The following DPP6 variants were observed in gnomAD, a reference collection of about 807,000 sequenced individuals.
The protein encoded by DPP6 is dipeptidyl peptidase like 6.
Under a neutral mutation model 122.6 loss-of-function variants are expected in DPP6, and 69 were observed. The ratio of observed to expected loss-of-function variants is 0.56; its 90% CI spans 0.46 to 0.69. The LOEUF is 0.69. Among genes scored for constraint, DPP6 ranks in the 30% least tolerant of loss-of-function variants. DPP6 has a pLI of 0.00. For synonymous variants in DPP6, 418 were observed against 433.1 expected, an observed-to-expected ratio of 0.97 and a Z score of 0.43; for missense variants, 928 against 1,116.9, an observed-to-expected ratio of 0.83 and a Z score of 2.41.
At chr7:154,774,526 C>T (rs1796446797) in intron 10 of DPP6, among the ~76,000 whole-genome samples, 1 of 152,190 alleles carries the variant, frequency 6.6e-6, no homozygotes, top group Non-Finnish European at 1.5e-5. Context: ...GAAAAATTAG[C>T]GTCAGCCAGG....
intron 17 of DPP6, among the ~76,000 whole-genome samples, chr7:154,855,002 G>A (rs1802711822): frequency 6.6e-6 from 1 of 152,016 alleles, no homozygotes; most frequent in Admixed American, 6.6e-5. Flanking sequence ...GGGGACAGAG[G>A]TGACTCCGTG....
intron 1 of DPP6, among the ~76,000 whole-genome samples, chr7:154,354,662 C>T (rs1254821361): frequency 6.6e-6 from 1 of 152,196 alleles, no homozygotes; most frequent in African/African-American, 2.4e-5. Flanking sequence ...TATTCGTTTG[C>T]ATCTAGCTTA....
the DPP6 span, among the ~76,000 whole-genome samples, chr7:153,808,431 CTGTG>C: frequency 3.3e-5 from 5 of 151,214 alleles, no homozygotes; most frequent in South Asian, 2.1e-4. Context: ...GTGTGTGTGA[CTGTG>C]TGTGTGCGTG....
intron 3 of DPP6, among the ~76,000 whole-genome samples, chr7:154,488,477 C>A (rs1018716807): frequency 1.3e-5 from 2 of 151,896 alleles, no homozygotes; most frequent in Admixed American, 1.3e-4. Flanking sequence ...AGCAGACACA[C>A]CCTTGTAATA....
chr7:154,350,580 G>T (rs1448186705), intron 1 of DPP6, among the ~76,000 whole-genome samples: 1 of 152,184 alleles, frequency 6.6e-6, no homozygotes, highest in Admixed American at 6.5e-5. Flanking sequence ...TTGAAGACGG[G>T]CTGGGGGCCT....
intron 1 of DPP6, among the ~76,000 whole-genome samples, chr7:153,984,071 C>T (rs1171968245): frequency 1.3e-5 from 2 of 150,752 alleles, no homozygotes; most frequent in African/African-American, 4.9e-5. Context: ...CACACACACA[C>T]ACACACACAC....
intron 5 of DPP6, among the ~76,000 whole-genome samples, chr7:154,632,687 T>TA (rs1470571860): frequency 6.6e-6 from 1 of 152,182 alleles, no homozygotes; most frequent in East Asian, 1.9e-4. Context: ...GGTTACGGTT[T>TA]AAAATCTCAA....
intron 1 of DPP6, among the ~76,000 whole-genome samples, chr7:153,951,242 G>A (rs1430229140): frequency 2.0e-5 from 3 of 152,160 alleles, no homozygotes; most frequent in Admixed American, 6.5e-5. Context: ...AAAAAAACCC[G>A]GGGGAGTGAG....
chr7:153,807,062 A>T, the DPP6 span, among the ~76,000 whole-genome samples: 13 of 151,980 alleles, frequency 8.6e-5, no homozygotes, highest in Admixed American at 6.6e-4. Flanking sequence ...ACTTCAATAA[A>T]TTATAGGTAA....
chr7:154,235,602 C>T (rs976911688), intron 1 of DPP6, among the ~76,000 whole-genome samples: 6 of 151,486 alleles, frequency 4.0e-5, no homozygotes, highest in African/African-American at 1.5e-4. Flanking sequence ...TGTTTTAAAG[C>T]CCCTTTCCAC....
rs1258700119 is a variant in DPP6, at chr7:153,918,464, A to ACT, written c.51+30731_51+30732insTC. Among the ~76,000 whole-genome samples the ACT allele has an allele frequency of 7.6e-3, 650 of 85,210 alleles. 9 individuals are homozygous for ACT. Among genetic ancestry groups the ACT allele is most frequent in the Middle Eastern group, 0.044 (7 of 158 alleles). 55.9% of individuals were successfully genotyped at this position (85,210 alleles called of 152,430 possible). On this transcript the variant is annotated intron_variant, in intron 1 of 25. Transcript: ENST00000404039. Reference sequence around the variant, plus strand: ...CACACACACACACACACACACACACACACTCTCTCTCTCTCTCTCTCTCTC... The same window carrying ACT: ...CACACACACACACACACACACACACACTCACTCTCTCTCTCTCTCTCTCTCTC...
chr7:153,764,580 C>T, the DPP6 span, among the ~76,000 whole-genome samples: 2 of 151,930 alleles, frequency 1.3e-5, no homozygotes, highest in Non-Finnish European at 2.9e-5. Flanking sequence ...TACACAAAGC[C>T]GCACTTTTTC....
chr7:153,937,897 C>G (rs1801529950), intron 1 of DPP6, among the ~76,000 whole-genome samples: 2 of 152,158 alleles, frequency 1.3e-5, no homozygotes, highest in Non-Finnish European at 2.9e-5. Context: ...AGAACGCACC[C>G]TTTGGTTAAG....
At chr7:154,867,308 A>C (rs1018108584) in intron 17 of DPP6, among the ~76,000 whole-genome samples, 1 of 152,226 alleles carries the variant, frequency 6.6e-6, no homozygotes, top group African/African-American at 2.4e-5. Flanking sequence ...CATCTGAAGA[A>C]ATAGATAACG....
intron 1 of DPP6, among the ~76,000 whole-genome samples, chr7:154,020,164 T>A (rs998206602): frequency 6.6e-6 from 1 of 152,124 alleles, no homozygotes; most frequent in Non-Finnish European, 1.5e-5. Flanking sequence ...GATGTCAAGA[T>A]GTCGTTTTGG....
rs972043539 is a variant in DPP6 at position 154,893,840 on chromosome 7, T to C, written c.*1360T>C. 1.3e-5 allele frequency: 2 copies of C among 152,234 alleles called. No individual in the cohort carries two copies. Among genetic ancestry groups the C allele is most frequent in the African/African-American group, 4.8e-5 (2 of 41,448 alleles). 9.4% of individuals were successfully genotyped at this position (152,234 alleles called of 1,614,324 possible). ...GGACTCTAGAAGTGCTAGTTTGAAA[T>C]ATATCCATTACTGTCATTTCCTTTT... On this transcript the variant is annotated 3_prime_UTR_variant, in exon 26 of 26. Coordinates refer to ENST00000377770, the MANE Select transcript of DPP6 (RefSeq NM_130797.4).
At chr7:154,191,465 G>T (rs903207533) in intron 1 of DPP6, among the ~76,000 whole-genome samples, 2 of 152,132 alleles carry the variant, frequency 1.3e-5, no homozygotes, top group Admixed American at 1.3e-4. Flanking sequence ...TGCAATGTGC[G>T]CACACAAGGC....
intron 1 of DPP6, among the ~76,000 whole-genome samples, chr7:154,315,760 A>G (rs775797588): frequency 1.3e-5 from 2 of 152,102 alleles, no homozygotes; most frequent in African/African-American, 4.8e-5. Flanking sequence ...AGGCTAAAGG[A>G]ATATGGTTCT....
At chr7:154,021,683 G>A (rs994955533) in intron 1 of DPP6, among the ~76,000 whole-genome samples, 5 of 152,164 alleles carry the variant, frequency 3.3e-5, no homozygotes, top group African/African-American at 7.2e-5. Context: ...GGGTGTTCCA[G>A]TTCCATCAGC....
Sources: allele counts gnomAD v4.1 joint callset (sites outside exome capture counted in the v4.1 genomes callset), GRCh38; gene constraint gnomAD v4.1.1; transcripts MANE v1.5; gene names NCBI Gene and HGNC (gene_info 2026-07-23, HGNC 2026-07-21).